TENM4: variants seen among roughly 807,000 people sequenced by gnomAD.
TENM4 encodes the protein teneurin-4.
TENM4 carries 82 observed loss-of-function variants against 243.3 expected under a neutral mutation model. The ratio of observed to expected loss-of-function variants is 0.34; its 90% CI spans 0.28 to 0.40. The LOEUF (loss-of-function observed/expected upper bound fraction) is 0.40. Among genes scored for constraint, TENM4 ranks in the 10% least tolerant of loss-of-function variants. The pLI, the probability that TENM4 is intolerant of heterozygous loss-of-function variation, is 1.00. For synonymous variants in TENM4, 1,412 were observed against 1,456.3 expected, an observed-to-expected ratio of 0.97 and a Z score of 0.69; for missense variants, 3,138 against 3,673.3, an observed-to-expected ratio of 0.85 and a Z score of 3.77.
intron 6 of TENM4, among the ~76,000 whole-genome samples, chr11:78,957,434 G>A (rs1371103689): frequency 6.6e-6 from 1 of 152,144 alleles, no homozygotes; most frequent in Non-Finnish European, 1.5e-5. Context: ...TTCATAAACT[G>A]ACTTAAAAGG....
intron 3 of TENM4, among the ~76,000 whole-genome samples, chr11:79,161,212 C>T (rs974739628): frequency 1.3e-5 from 2 of 152,212 alleles, no homozygotes; most frequent in Admixed American, 6.5e-5. Flanking sequence ...AAAGCAGCCA[C>T]GCCAGTGTCT....
chr11:78,670,299 T>C lies in TENM4; in HGVS notation c.6046A>G (p.Lys2016Glu), dbSNP rs756108078. ...TGRRVIYKYG[K>E]LSKLAETLYD... ...AGCGTCTCTGCCAGCTTTGACAGTTTGCCATACTTGTATATCACCCTGCGG... is the reference window on the plus strand; with the variant it reads ...AGCGTCTCTGCCAGCTTTGACAGTTCGCCATACTTGTATATCACCCTGCGG... The change falls in exon 32 of 34, where the codon AAA (lysine) becomes GAA (glutamate). Residue 2016 changes from lysine (K) to glutamate (E), a missense_variant. Around this residue, in one of 2 missense-constraint regions of TENM4, gnomAD observed 2,467 missense variants for 3,059.1 expected, o/e 0.81. Coordinates refer to ENST00000278550, the MANE Select transcript of TENM4 (RefSeq NM_001098816.3). 3.7e-6 allele frequency: 6 copies of C among 1,613,944 alleles called. No homozygotes were observed. In the Admixed American group the frequency reaches 1.0e-4, roughly 27 times the overall value.
chr11:78,990,248 C>G (rs79375404), intron 6 of TENM4, among the ~76,000 whole-genome samples: 2,756 of 152,170 alleles, frequency 0.018, 48 homozygotes, highest in African/African-American at 0.043. Flanking sequence ...GTTACTCAGA[C>G]AGAGTGGCTG....
At chr11:78,744,822 C>G (rs1396617815) in intron 19 of TENM4, among the ~76,000 whole-genome samples, 1 of 152,196 alleles carries the variant, frequency 6.6e-6, no homozygotes, top group Non-Finnish European at 1.5e-5. Context: ...AAATAGCCTG[C>G]TTGATAATTT....
chr11:79,357,399 A>G (rs536962), intron 1 of TENM4, among the ~76,000 whole-genome samples: 119,289 of 152,202 alleles, frequency 0.78, 47,081 homozygotes, highest in African/African-American at 0.85. Context: ...TTCTGTTTGT[A>G]AAACCTAACC....
intron 32 of TENM4, among the ~76,000 whole-genome samples, chr11:78,665,510 G>T (rs920979089): frequency 2.6e-5 from 4 of 152,164 alleles, no homozygotes; most frequent in Non-Finnish European, 5.9e-5. Context: ...GACCTCAAGT[G>T]ACCTGCCCAC....
At chr11:79,347,264 C>G (rs767052646) in intron 1 of TENM4, among the ~76,000 whole-genome samples, 1 of 152,114 alleles carries the variant, frequency 6.6e-6, no homozygotes, top group Non-Finnish European at 1.5e-5. Context: ...ACCCCCATAC[C>G]CCACTAGTCA....
rs1856501128 is a variant in TENM4, at chr11:79,298,744, C to T, written c.-320-1201G>A. 4.6e-5 allele frequency among the ~76,000 whole-genome samples: 7 copies of T among 152,248 alleles called. No homozygotes were observed. The South Asian group carries it at 1.5e-3, about 32-fold the overall frequency. ...GAGTTTACAGGGAAGAAAACTGCAG[C>T]TCAGCAAGGCTCGGCGAGCCGTCTA... On this transcript the variant is annotated intron_variant, in intron 1 of 33. Transcript: ENST00000278550.
At chr11:79,192,367 C>T (rs549356227) in intron 3 of TENM4, among the ~76,000 whole-genome samples, 8 of 152,092 alleles carry the variant, frequency 5.3e-5, no homozygotes, top group East Asian at 3.9e-4. Flanking sequence ...GGATGGTTGC[C>T]GTGTCTGTGT....
At chr11:78,938,347 A>G (rs1324394057) in intron 6 of TENM4, among the ~76,000 whole-genome samples, 1 of 152,176 alleles carries the variant, frequency 6.6e-6, no homozygotes, top group Non-Finnish European at 1.5e-5. Flanking sequence ...TTCACCCAGC[A>G]TCTCTCAGTG....
intron 19 of TENM4, among the ~76,000 whole-genome samples, chr11:78,738,872 A>G (rs1855859290): frequency 1.3e-5 from 2 of 152,224 alleles, no homozygotes; most frequent in Non-Finnish European, 2.9e-5. Context: ...ACAGAGGGCA[A>G]TATCGCCTAG....
At chr11:79,240,935 C>G (rs1485340567) in intron 2 of TENM4, among the ~76,000 whole-genome samples, 1 of 152,102 alleles carries the variant, frequency 6.6e-6, no homozygotes, top group Non-Finnish European at 1.5e-5. Context: ...AATTTTAAAT[C>G]ACATCAGTTG....
chr11:79,057,120 G>A (rs1408799028), intron 6 of TENM4, among the ~76,000 whole-genome samples: 3 of 152,108 alleles, frequency 2.0e-5, no homozygotes, highest in African/African-American at 7.2e-5. Flanking sequence ...TCTCTCTCCT[G>A]GATGACTGCA....
chr11:79,254,615 G>A (rs1265521760), intron 2 of TENM4, among the ~76,000 whole-genome samples: 1 of 152,202 alleles, frequency 6.6e-6, no homozygotes, highest in African/African-American at 2.4e-5. Context: ...CTGGGGCAAT[G>A]AGATTAAAGG....
chr11:78,985,575 T>A (rs1857897709), intron 6 of TENM4, among the ~76,000 whole-genome samples: 1 of 152,248 alleles, frequency 6.6e-6, no homozygotes, highest in Non-Finnish European at 1.5e-5. Flanking sequence ...ATTTACTCAT[T>A]CAAGAATTGC....
chr11:78,670,590 G>C (rs75967026), intron 31 of TENM4, 39 bp from the exon 32 acceptor site: 4 of 1,561,306 alleles, frequency 2.6e-6, no homozygotes, highest in Non-Finnish European at 3.5e-6. Context: ...GAGGAGGGTG[G>C]TGAGGAGAAA....
At chr11:78,693,552 C>T (rs1305584549) in intron 28 of TENM4, among the ~76,000 whole-genome samples, 4 of 152,136 alleles carry the variant, frequency 2.6e-5, no homozygotes, top group South Asian at 4.1e-4. Context: ...ATTTTCAGGA[C>T]GCTTTGCTTG....
intron 23 of TENM4, among the ~76,000 whole-genome samples, chr11:78,724,039 TTCTCC>T (rs774772953): frequency 3.5e-4 from 52 of 150,036 alleles, no homozygotes; most frequent in Admixed American, 1.6e-3. Flanking sequence ...CTCCCTTCCT[TTCTCC>T]TCTCCTCTCC....
At chr11:79,346,052 C>T (rs12577093) in intron 1 of TENM4, among the ~76,000 whole-genome samples, 19,793 of 152,212 alleles carry the variant, frequency 0.13, 1,514 homozygotes, top group Non-Finnish European at 0.18. Context: ...TCAGTCCTGA[C>T]GACCTGATCT....
Sources: allele counts gnomAD v4.1 joint callset (sites outside exome capture counted in the v4.1 genomes callset), GRCh38; gene constraint gnomAD v4.1.1; regional missense constraint gnomAD v4.1.1; transcripts MANE v1.5; gene names NCBI Gene and HGNC (gene_info 2026-07-23, HGNC 2026-07-21).